The following OTOG variants were observed in gnomAD, a reference collection of about 807,000 sequenced individuals.
The protein encoded by OTOG is otogelin.
Under a neutral mutation model 313.8 loss-of-function variants are expected in OTOG, and 296 were observed. That is an observed-to-expected ratio of 0.94 (90% CI 0.86 to 1.04). The LOEUF is 1.04. OTOG is among the 50% of genes least tolerant of loss of function. The pLI is 0.00. For missense variants in OTOG, 3,948 were observed against 3,840.1 expected (o/e 1.03, Z -0.74); for synonymous variants, 1,533 against 1,554.9 (o/e 0.99, Z 0.33).
intron 49 of OTOG, among the ~76,000 whole-genome samples, chr11:17,640,223 A>G (rs991117717): frequency 3.3e-5 from 5 of 152,138 alleles, no homozygotes; most frequent in African/African-American, 1.2e-4. Flanking sequence ...TGTTTTCTCA[A>G]TCCTGCAAAC....
rs1854146126 is a variant in OTOG at position 17,632,191 on chromosome 11, A to G, written c.7037A>G (p.His2346Arg). ...TACGTGGCCATGTGCCACAAATTTC[A>G]TGTGTGCATCGAGTGGCGGCGCTCT... ...TVYVAMCHKF[H>R]VCIEWRRSDY... Residue 2346 changes from histidine (H) to arginine (R), a missense_variant, in exon 42 of 56, where the codon CAT (histidine) becomes CGT (arginine). By Grantham distance (29) the His-to-Arg change is conservative. Coordinates refer to ENST00000399397, the MANE Select transcript of OTOG (RefSeq NM_001292063.2). 1.9e-6 allele frequency: 3 copies of G among 1,550,952 alleles called. No individual in the cohort carries two copies. Among genetic ancestry groups the G allele is most frequent in the Non-Finnish European group, 2.6e-6 (3 of 1,146,940 alleles).
intron 39 of OTOG, among the ~76,000 whole-genome samples, chr11:17,625,957 C>T (rs575919151): frequency 1.3e-5 from 2 of 152,188 alleles, no homozygotes; most frequent in African/African-American, 4.8e-5. Flanking sequence ...GTCTTTAATC[C>T]ATTTTGATTT....
intron 44 of OTOG, 35 bp from the exon 45 acceptor site, chr11:17,634,809 C>T (rs1189352597): frequency 2.6e-6 from 4 of 1,522,948 alleles, no homozygotes; most frequent in Admixed American, 3.9e-5. Context: ...GACATCCGGC[C>T]CCGAGGTGAC....
At chr11:17,611,529 A>G (rs1039849923) in intron 36 of OTOG, 106 bp downstream of exon 36, 2 of 1,177,464 alleles carry the variant, frequency 1.7e-6, no homozygotes, top group South Asian at 1.6e-5. Flanking sequence ...TACCTGCCCC[A>G]TGCTCCTGGT....
In OTOG at chr11:17,635,213, C is replaced by T. The variant is rs563727626; in HGVS notation, c.7693+26C>T. 1.6e-5 allele frequency: 24 copies of T among 1,510,334 alleles called. No homozygotes were observed. The East Asian group carries it at 2.5e-4, about 15-fold the overall frequency. 93.6% of individuals were successfully genotyped at this position (1,510,334 alleles called of 1,614,324 possible). A position where few individuals can be genotyped will look rare whatever the true frequency, so the allele number is the denominator to read the frequency against. ...GTGGGTCGCCGCCACCAGACGCCAGCGCACACAGCCTGATCACAGTCCGCC... is the reference window on the plus strand; with the variant it reads ...GTGGGTCGCCGCCACCAGACGCCAGTGCACACAGCCTGATCACAGTCCGCC... On this transcript the variant is annotated intron_variant, in intron 46 of 55. Coordinates refer to ENST00000399397, the MANE Select transcript of OTOG (RefSeq NM_001292063.2).
At chr11:17,572,663 A>T (rs552589438) in intron 18 of OTOG, among the ~76,000 whole-genome samples, 17 of 152,192 alleles carry the variant, frequency 1.1e-4, no homozygotes, top group Admixed American at 2.0e-4. Context: ...TCAGTTCCTC[A>T]CTTCTTTCAG....
At chr11:17,617,721 T>G (rs1435809030) in intron 39 of OTOG, among the ~76,000 whole-genome samples, 1 of 152,200 alleles carries the variant, frequency 6.6e-6, no homozygotes, top group East Asian at 1.9e-4. Flanking sequence ...GGCTAGAGGC[T>G]TATCAAACTT....
chr11:17,586,435 G>A (rs1375018738), intron 23 of OTOG, 39 bp from the exon 24 acceptor site: 48 of 1,237,148 alleles, frequency 3.9e-5, no homozygotes, highest in Non-Finnish European at 4.7e-5. Context: ...GCTATGGGAA[G>A]AGTGCTCTCC....
rs56402246 is a variant in OTOG at position 17,548,418 on chromosome 11, C to CTTTTTTTT, written c.216+237_216+244dup. Among the ~76,000 whole-genome samples, 15 of 87,626 alleles carry CTTTTTTTT rather than the reference C, an allele frequency of 1.7e-4. 1 individual carries two copies. The highest frequency in any genetic ancestry group is 2.9e-4 in the East Asian group (1 of 3,406). The allele number at this position is 87,626 out of a possible 152,430, so 57.5% of individuals were successfully genotyped here. ...ATCTCTTGGGGGTCTATAGTCCACT[C>CTTTTTTTT]TTTTTTTTTTTTTTTTTTTTTTTTT... On this transcript the variant is annotated intron_variant, in intron 3 of 55. Coordinates refer to ENST00000399397, the MANE Select transcript of OTOG (RefSeq NM_001292063.2).
At chr11:17,548,926 C>T (rs1464434642) in intron 3 of OTOG, among the ~76,000 whole-genome samples, 1 of 152,022 alleles carries the variant, frequency 6.6e-6, no homozygotes, top group Non-Finnish European at 1.5e-5. Context: ...ACTATGTTGC[C>T]CAGGCTGGTC....
At position 17,559,104 on chromosome 11, in the gene OTOG, G is replaced by A. The variant is rs994364425; in HGVS notation, c.1156G>A (p.Ala386Thr). ...WCRALAEYAR[A>T]CAQAGRPLQG... ...CCGGGCACTGGCGGAGTATGCCCGG[G>A]CGTGTGCCCAGGCAGGGCGGCCCTT... is the stretch of plus-strand genomic sequence containing the variant. The change falls in exon 11 of 56, where the codon GCG becomes ACG. Residue 386 changes from alanine (A) to threonine (T), a missense_variant. Transcript: ENST00000399397. The A allele has an allele frequency of 7.8e-6, 12 of 1,545,652 alleles. No individual in the cohort carries two copies. The highest frequency in any genetic ancestry group is 1.0e-5 in the Non-Finnish European group (12 of 1,146,984).
chr11:17,586,244 G>A (rs1206180878), intron 23 of OTOG, among the ~76,000 whole-genome samples: 1 of 152,230 alleles, frequency 6.6e-6, no homozygotes, highest in Non-Finnish European at 1.5e-5. Context: ...GCTTCTTGAT[G>A]GATGACAGAG....
Position 17,555,906 on chromosome 11 carries a change from A to G in OTOG, c.659+9A>G. Reference sequence around the variant, plus strand: ...ACCCATGGAGGCATGAGGTAACTCTAACACCTTCCACATCGAGCTGTCCTA... The same window carrying G: ...ACCCATGGAGGCATGAGGTAACTCTGACACCTTCCACATCGAGCTGTCCTA... On this transcript the variant is annotated intron_variant, in intron 7 of 55. Coordinates refer to ENST00000399397, the MANE Select transcript of OTOG (RefSeq NM_001292063.2). 1.3e-6 allele frequency: 2 copies of G among 1,540,194 alleles called. No homozygotes were observed. Among genetic ancestry groups the G allele is most frequent in the South Asian group, 1.2e-5 (1 of 83,848 alleles).
At chr11:17,577,465 G>A (rs1336347283) in intron 22 of OTOG, among the ~76,000 whole-genome samples, 1 of 152,162 alleles carries the variant, frequency 6.6e-6, no homozygotes, top group East Asian at 1.9e-4. Flanking sequence ...TGGGGTGGAG[G>A]AAGGGATTGG....
At chr11:17,636,840 G>A (rs1209899237) in intron 47 of OTOG, among the ~76,000 whole-genome samples, 1 of 151,824 alleles carries the variant, frequency 6.6e-6, no homozygotes, top group Admixed American at 6.6e-5. Context: ...TGCAGCCCAG[G>A]GCAAGTTCCT....
chr11:17,555,877 G>T lies in OTOG; in HGVS notation c.639G>T (p.Glu213Asp), dbSNP rs61736015. Reference protein sequence around the residue: ...VGEQEIHLAKEVTHGGMRVQL... With the variant: ...VGEQEIHLAKDVTHGGMRVQL... ...AGCAGGAGATCCATCTGGCCAAGGA[G>T]GTCACCCATGGAGGCATGAGGTAAC... The change falls in exon 7 of 56, where the codon GAG (glutamate) becomes GAT (aspartate). Residue 213 changes from glutamate to aspartate, a missense_variant. By Grantham distance (45) the Glu-to-Asp change is conservative. Transcript: ENST00000399397. The T allele has an allele frequency of 5.5e-4, 855 of 1,551,036 alleles. 4 individuals are homozygous for T. In the African/African-American group the frequency reaches 0.011, roughly 20 times the overall value.
intron 2 of OTOG, 44 bp downstream of exon 2, chr11:17,548,031 C>A: frequency 1.8e-6 from 2 of 1,104,686 alleles, no homozygotes; most frequent in Non-Finnish European, 1.2e-6. Flanking sequence ...CAGCTCCCAT[C>A]CGTATTTCTG....
chr11:17,597,072 G>A (rs1853129723), intron 30 of OTOG, 65 bp downstream of exon 30: 5 of 1,514,170 alleles, frequency 3.3e-6, no homozygotes, highest in Non-Finnish European at 4.4e-6. Flanking sequence ...ATGCCCTAGG[G>A]GTACTGGCAG....
In OTOG at chr11:17,646,037, G is replaced by A; in HGVS notation, c.*93G>A. Reference sequence around the variant, plus strand: ...GTGAATGGGGGTATTAAAGGTGGTAGAAATCTGGCACGTGTTGAGCATGGA... The same window carrying A: ...GTGAATGGGGGTATTAAAGGTGGTAAAAATCTGGCACGTGTTGAGCATGGA... On this transcript the variant is annotated 3_prime_UTR_variant, in exon 56 of 56. Coordinates refer to ENST00000399397, the MANE Select transcript of OTOG (RefSeq NM_001292063.2). 1 of 1,304,320 alleles carries A rather than the reference G, an allele frequency of 7.7e-7. No individual in the cohort carries two copies. The highest frequency in any genetic ancestry group is 1.1e-6 in the Non-Finnish European group (1 of 943,010). 80.8% of individuals were successfully genotyped at this position (1,304,320 alleles called of 1,614,324 possible).
Sources: allele counts gnomAD v4.1 joint callset (sites outside exome capture counted in the v4.1 genomes callset), GRCh38; gene constraint gnomAD v4.1.1; transcripts MANE v1.5; gene names NCBI Gene and HGNC (gene_info 2026-07-23, HGNC 2026-07-21).